WDR11: variants seen among roughly 807,000 people sequenced by gnomAD.
WDR11 encodes the protein WD repeat domain 11.
Under a neutral mutation model 151.2 loss-of-function variants are expected in WDR11, and 83 were observed. The ratio of observed to expected loss-of-function variants is 0.55; its 90% CI spans 0.46 to 0.66. The LOEUF (loss-of-function observed/expected upper bound fraction) is 0.66. Ranked by LOEUF, WDR11 falls within the 30% of genes least tolerant of loss-of-function variation. The pLI is 0.00. For synonymous variants in WDR11, 484 were observed against 533.1 expected, an observed-to-expected ratio of 0.91 and a Z score of 1.27; for missense variants, 1,301 against 1,480.9, an observed-to-expected ratio of 0.88 and a Z score of 1.99.
chr10:120,883,306 A>T (rs1847093115), intron 13 of WDR11, among the ~76,000 whole-genome samples: 1 of 152,144 alleles, frequency 6.6e-6, no homozygotes, highest in Non-Finnish European at 1.5e-5. Flanking sequence ...GTTGAATTGC[A>T]CTCGTTGATG....
intron 6 of WDR11, among the ~76,000 whole-genome samples, 189 bp from the exon 7 acceptor site, chr10:120,865,441 C>T (rs1164087516): frequency 1.3e-5 from 2 of 151,926 alleles, no homozygotes; most frequent in African/African-American, 4.8e-5. Context: ...CTATTTAAGT[C>T]ACATGGGTAA....
chr10:120,854,132 C>T (rs1564934821), intron 2 of WDR11, among the ~76,000 whole-genome samples: 3 of 152,120 alleles, frequency 2.0e-5, no homozygotes, highest in African/African-American at 7.2e-5. Context: ...TTACAATGAA[C>T]TTTTTTACCT....
intron 19 of WDR11, 29 bp downstream of exon 19, chr10:120,890,916 GA>G: frequency 6.2e-7 from 1 of 1,612,268 alleles, no homozygotes; most frequent in African/African-American, 1.3e-5. Context: ...AGGGGGCTTT[GA>G]AACCTGTCTT....
chr10:120,886,753 G>A lies in WDR11; in HGVS notation c.2038G>A (p.Val680Ile). ...GAACATCTCTGCCCGGGAACATTTT[G>A]TATTTACCGATATTGATGGCCAAGT... Reference protein sequence around the residue: ...SQNISAREHFVFTDIDGQVYH... With the variant: ...SQNISAREHFIFTDIDGQVYH... The change falls in exon 16 of 29, where the codon GTA becomes ATA. Residue 680 changes from valine to isoleucine, a missense_variant. This residue lies in a region of WDR11 where 589 missense variants were observed against 670.6 expected (regional missense o/e 0.88). Transcript: ENST00000263461. 1 of 1,613,978 alleles carries A rather than the reference G, an allele frequency of 6.2e-7. No homozygotes were observed.
At chr10:120,859,593 C>T (rs1336337475) in intron 3 of WDR11, among the ~76,000 whole-genome samples, 1 of 152,010 alleles carries the variant, frequency 6.6e-6, no homozygotes, top group Non-Finnish European at 1.5e-5. Context: ...AGACTTAAGT[C>T]CTCCAGTGGC....
At chr10:120,866,937 C>A in intron 8 of WDR11, 129 bp from the exon 9 acceptor site, 1 of 1,051,200 alleles carries the variant, frequency 9.5e-7, no homozygotes, top group Non-Finnish European at 1.4e-6. Context: ...GCTATTTCAC[C>A]TATGGGTAAG....
intron 20 of WDR11, among the ~76,000 whole-genome samples, chr10:120,900,463 G>A (rs1029774479): frequency 1.3e-5 from 2 of 152,108 alleles, no homozygotes; most frequent in Non-Finnish European, 2.9e-5. Flanking sequence ...AGCCGGGCAC[G>A]TTCTTTTTAA....
rs1027952902 is a variant in WDR11, at chr10:120,865,129, C to T, written c.796C>T (p.Arg266Ter). 5 of 1,613,856 alleles carry T rather than the reference C, an allele frequency of 3.1e-6. No individual in the cohort carries two copies. Among genetic ancestry groups the T allele is most frequent in the East Asian group, 2.2e-5 (1 of 44,838 alleles). Residue 266 changes from arginine (R) to a stop codon, truncating the protein, a stop_gained, in exon 6 of 29, where the codon CGA becomes TGA. Transcript: ENST00000263461. LOFTEE classifies it high-confidence loss of function. ...KRNHMLLLYP[R>*]EILILDLEVN... ...GAATCACATGTTGTTGCTCTATCCT[C>T]GAGAGATTTTAATCCTTGACCTTGA...
intron 19 of WDR11, among the ~76,000 whole-genome samples, chr10:120,894,422 C>T (rs1847532912): frequency 1.3e-5 from 2 of 152,158 alleles, no homozygotes; most frequent in Admixed American, 1.3e-4. Context: ...CAATGACTTG[C>T]CGATGTGGGG....
chr10:120,868,808 G>T (rs765174982), intron 9 of WDR11: 1 of 152,088 alleles, frequency 6.6e-6, no homozygotes, highest in Non-Finnish European at 1.5e-5. Context: ...CACGATTTCT[G>T]CCAGTTATGA....
At chr10:120,905,184 A>G in intron 25 of WDR11, 135 bp from the exon 26 acceptor site, 1 of 857,686 alleles carries the variant, frequency 1.2e-6, no homozygotes, top group Non-Finnish European at 1.9e-6. Context: ...ATGTTTCAGA[A>G]TTTAAATCAA....
rs572542180 is a variant in WDR11, at chr10:120,865,356, TG to T, written c.879+145del. Reference sequence around the variant, plus strand: ...AAAGACTAGCAACACTATTTTAGATTGTTTTTTTTGTCTGCACTTTTGATTG... The same window carrying T: ...AAAGACTAGCAACACTATTTTAGATTTTTTTTTTGTCTGCACTTTTGATTG... On this transcript the variant is annotated intron_variant, in intron 6 of 28. Coordinates refer to ENST00000263461, the MANE Select transcript of WDR11 (RefSeq NM_018117.12). The T allele has an allele frequency of 1.4e-3, 1,185 of 864,230 alleles. 2 individuals carry two copies. Among genetic ancestry groups the T allele is most frequent in the Non-Finnish European group, 1.9e-3 (1,076 of 568,516 alleles). 53.5% of individuals were successfully genotyped at this position (864,230 alleles called of 1,614,324 possible).
intron 2 of WDR11, among the ~76,000 whole-genome samples, chr10:120,854,839 A>G (rs991404797): frequency 2.0e-5 from 3 of 152,052 alleles, no homozygotes; most frequent in African/African-American, 4.8e-5. Context: ...TTAAAATTGT[A>G]TTATTTATCT....
In WDR11 at chr10:120,874,176, G is replaced by GTT. The variant is rs66873217; in HGVS notation, c.1556+268_1556+269dup. On this transcript the variant is annotated intron_variant, in intron 11 of 28. Coordinates refer to ENST00000263461, the MANE Select transcript of WDR11 (RefSeq NM_018117.12). ...TGCAAAAGTAATTGCGGTTTTTGCA[G>GTT]TTTTTTTTTTTTTTTTGTTGTTGTT... Among the ~76,000 whole-genome samples, 766 of 83,268 alleles carry GTT rather than the reference G, an allele frequency of 9.2e-3. 16 individuals are homozygous for GTT. The highest frequency in any genetic ancestry group is 0.011 in the Admixed American group (76 of 6,670). The allele number at this position is 83,268 out of a possible 152,430, so 54.6% of individuals were successfully genotyped here. A position where few individuals can be genotyped will look rare whatever the true frequency, so the allele number is the denominator to read the frequency against.
At chr10:120,854,010 CTT>C (rs953650840) in intron 2 of WDR11, among the ~76,000 whole-genome samples, 1 of 152,078 alleles carries the variant, frequency 6.6e-6, no homozygotes, top group Admixed American at 6.5e-5. Context: ...GATTTGGAGT[CTT>C]TTTCTTTTTT....
At position 120,909,504 on chromosome 10, in the gene WDR11, A is replaced by ATAAAT; in HGVS notation, c.*796_*800dup. 1 of 152,828 alleles carries ATAAAT rather than the reference A, an allele frequency of 6.5e-6. No individual in the cohort carries two copies. Among genetic ancestry groups the ATAAAT allele is most frequent in the Admixed American group, 6.5e-5 (1 of 15,312 alleles). 9.5% of individuals were successfully genotyped at this position (152,828 alleles called of 1,614,324 possible). On this transcript the variant is annotated 3_prime_UTR_variant, in exon 29 of 29. Coordinates refer to ENST00000263461, the MANE Select transcript of WDR11 (RefSeq NM_018117.12). The stretch of plus-strand genomic sequence containing the variant: ...TGTCTGTAACTTACAAACATGATAA[A>ATAAAT]TAAATTAAAAATTCCATCCAGGCCT...
At position 120,903,073 on chromosome 10, in the gene WDR11, G is replaced by A. The variant is rs900015063; in HGVS notation, c.2772G>A (p.Ser924=). ...LLVSRLYGDE[S]ELHFWTVAAH... The stretch of plus-strand genomic sequence containing the variant: ...TTGCCAGGCTCTATGGTGATGAATC[G>A]GAGCTGCACTTCTGGACTGTCGCTG... Residue 924 remains serine (S), a synonymous_variant, in exon 23 of 29, where the codon TCG becomes TCA. Transcript: ENST00000263461. The A allele has an allele frequency of 8.7e-6, 14 of 1,613,884 alleles. No homozygotes were observed. The highest frequency in any genetic ancestry group is 4.5e-5 in the East Asian group (2 of 44,896).
At position 120,902,959 on chromosome 10, in the gene WDR11, G is replaced by A. The variant is rs570075870; in HGVS notation, c.2754-96G>A. On this transcript the variant is annotated intron_variant, in intron 22 of 28. Coordinates refer to ENST00000263461, the MANE Select transcript of WDR11 (RefSeq NM_018117.12). The stretch of plus-strand genomic sequence containing the variant: ...CCCATGCCAGTATCCCAGTGGATAT[G>A]TGACAACACTCCCTTCCAGTCCCTC... 2.9e-4 allele frequency: 373 copies of A among 1,301,036 alleles called. No homozygotes were observed. In the African/African-American group the frequency reaches 4.6e-3, roughly 16 times the overall value. 80.6% of individuals were successfully genotyped at this position (1,301,036 alleles called of 1,614,324 possible).
rs4752470 is a variant in WDR11 at position 120,884,187 on chromosome 10, G to C, written c.1848+299G>C. 0.37 allele frequency among the ~76,000 whole-genome samples: 56,577 copies of C among 151,930 alleles called. 10,630 individuals are homozygous for C. Among genetic ancestry groups the C allele is most frequent in the Admixed American group, 0.44 (6,701 of 15,260 alleles). On this transcript the variant is annotated intron_variant, in intron 14 of 28. Coordinates refer to ENST00000263461, the MANE Select transcript of WDR11 (RefSeq NM_018117.12). Reference sequence around the variant, plus strand: ...GGTCCTAAATAGCTAAGTCATCCTTGAATAAAGAGGAGTAAATGTGGGAGG... The same window carrying C: ...GGTCCTAAATAGCTAAGTCATCCTTCAATAAAGAGGAGTAAATGTGGGAGG...
Sources: gnomAD v4.1 joint callset for allele counts (sites outside exome capture counted in the v4.1 genomes callset) on GRCh38, gnomAD v4.1.1 for gene constraint, gnomAD v4.1.1 regional missense constraint, MANE v1.5 for transcripts, NCBI Gene and HGNC (gene_info 2026-07-23, HGNC 2026-07-21) for gene names.